The following ACAP2 variants were observed in gnomAD, a reference collection of about 807,000 sequenced individuals.
ACAP2 encodes arf-GAP with coiled-coil, ANK repeat and PH domain-containing protein 2.
A neutral mutation model predicts 115.8 loss-of-function variants in ACAP2; 39 were observed. The ratio of observed to expected loss-of-function variants is 0.34; its 90% CI spans 0.26 to 0.44. The LOEUF (loss-of-function observed/expected upper bound fraction) is 0.44, where lower values mean the gene tolerates loss of function less well. Ranked by LOEUF, ACAP2 falls within the 20% of genes least tolerant of loss-of-function variation. ACAP2 has a pLI of 1.00. For synonymous variants in ACAP2, 289 were observed against 315.8 expected (o/e 0.92, Z 0.90); for missense variants, 662 against 927.6 (o/e 0.71, Z 3.72).
Position 195,342,584 on chromosome 3 carries a change from C to A in ACAP2, c.415G>T (p.Val139Leu). 1 of 1,612,394 alleles carries A rather than the reference C, an allele frequency of 6.2e-7. No homozygotes were observed. Among genetic ancestry groups the A allele is most frequent in the Non-Finnish European group, 8.5e-7 (1 of 1,179,538 alleles). ...TTTCTTTGTACTTGGGCATTTTTTACTAACGCATTTTCTTTTTCTTCACTG... is the reference window on the plus strand; with the variant it reads ...TTTCTTTGTACTTGGGCATTTTTTAATAACGCATTTTCTTTTTCTTCACTG... ...KVSEEKENAL[V>L]KNAQVQRNKQ... Residue 139 changes from valine to leucine, a missense_variant, in exon 6 of 23, where the codon GTA (valine) becomes TTA (leucine). Transcript: ENST00000326793.
chr3:195,351,522 C>A (rs992570148), intron 4 of ACAP2, among the ~76,000 whole-genome samples: 4 of 148,220 alleles, frequency 2.7e-5, no homozygotes, highest in African/African-American at 1.0e-4. Flanking sequence ...AGTGCAGTGG[C>A]GTGATGTCAG....
chr3:195,326,416 G>A (rs1577304435), intron 9 of ACAP2: 1 of 152,790 alleles, frequency 6.5e-6, no homozygotes, highest in East Asian at 1.9e-4. Flanking sequence ...TGCAAGTGAA[G>A]TTTTAGCATC....
chr3:195,329,899 C>G (rs1287891136), intron 8 of ACAP2, among the ~76,000 whole-genome samples: 2 of 152,114 alleles, frequency 1.3e-5, no homozygotes, highest in African/African-American at 4.8e-5. Context: ...TTTAGTCTTT[C>G]TTATGTCCCC....
intron 1 of ACAP2, among the ~76,000 whole-genome samples, chr3:195,435,032 G>A (rs956790314): frequency 1.3e-5 from 2 of 150,894 alleles, no homozygotes; most frequent in African/African-American, 5.0e-5. Context: ...CCACCTTTTG[G>A]TTTCAATTAT....
intron 1 of ACAP2, among the ~76,000 whole-genome samples, chr3:195,408,001 T>C (rs1034112271): frequency 6.6e-6 from 1 of 152,014 alleles, no homozygotes; most frequent in African/African-American, 2.4e-5. Flanking sequence ...AGAAATAAGA[T>C]TATAAGAGAG....
intron 2 of ACAP2, among the ~76,000 whole-genome samples, chr3:195,387,857 G>A (rs1380773807): frequency 6.6e-6 from 1 of 152,198 alleles, no homozygotes; most frequent in Non-Finnish European, 1.5e-5. Context: ...GCCAAGAACT[G>A]TGCTAAGTAC....
At chr3:195,378,356 G>A (rs961325855) in intron 4 of ACAP2, among the ~76,000 whole-genome samples, 1 of 152,114 alleles carries the variant, frequency 6.6e-6, no homozygotes, top group Non-Finnish European at 1.5e-5. Context: ...GCTGGGCGTG[G>A]TGGCACGTCC....
At chr3:195,333,922 C>A (rs1358810450) in intron 7 of ACAP2, among the ~76,000 whole-genome samples, 1 of 152,114 alleles carries the variant, frequency 6.6e-6, no homozygotes, top group Non-Finnish European at 1.5e-5. Flanking sequence ...TAAAATGAGT[C>A]AACCGAATTT....
In ACAP2 at chr3:195,285,876, G is replaced by A. The variant is rs1475508583; in HGVS notation, c.2175-19C>T. On this transcript the variant is annotated intron_variant, in intron 21 of 22. Transcript: ENST00000326793. ...ACGTAACCTAAAAATAAATAAAATA[G>A]TGTTTTAGATGACATTATATAATAT... is the stretch of plus-strand genomic sequence containing the variant. 1.9e-6 allele frequency: 3 copies of A among 1,567,872 alleles called. No homozygotes were observed. Among genetic ancestry groups the A allele is most frequent in the Non-Finnish European group, 2.6e-6 (3 of 1,144,492 alleles).
chr3:195,286,497 T>C (rs188579764), intron 21 of ACAP2, among the ~76,000 whole-genome samples: 154 of 152,338 alleles, frequency 1.0e-3, no homozygotes, highest in African/African-American at 3.5e-3. Flanking sequence ...AAATATTGTG[T>C]TTGGTACCCC....
chr3:195,332,971 T>A, intron 8 of ACAP2, 57 bp downstream of exon 8: 3 of 1,353,214 alleles, frequency 2.2e-6, no homozygotes, highest in Non-Finnish European at 3.1e-6. Flanking sequence ...CTAAATTTCT[T>A]TAAAAATACA....
Position 195,297,220 on chromosome 3 carries a change from A to G in ACAP2, c.1457T>C (p.Met486Thr), listed in dbSNP as rs1727712424. The change falls in exon 16 of 23, where the codon ATG (methionine) becomes ACG (threonine). Residue 486 changes from methionine (M) to threonine (T), a missense_variant. This residue lies in a region of ACAP2 where 401 missense variants were observed against 604.4 expected (regional missense o/e 0.66). Coordinates refer to ENST00000326793, the MANE Select transcript of ACAP2 (RefSeq NM_012287.6). ...NRVYEANVEK[M>T]GIKKPQPGQR... ...TCCTGGTTGGGGTTTCTTTATTCCC[A>G]TTTTTTCCACATTAGCTTCATAAAC... 6.2e-7 allele frequency: 1 copy of G among 1,612,954 alleles called. No homozygotes were observed. Among genetic ancestry groups the G allele is most frequent in the African/African-American group, 1.3e-5 (1 of 74,820 alleles).
In ACAP2 at chr3:195,279,424, A is replaced by G; in HGVS notation, c.2241T>C (p.Asp747=). 1.9e-6 allele frequency: 3 copies of G among 1,575,416 alleles called. No individual in the cohort carries two copies. Among genetic ancestry groups the G allele is most frequent in the Non-Finnish European group, 2.6e-6 (3 of 1,158,176 alleles). Residue 747 remains aspartate (D), a synonymous_variant, in exon 23 of 23, where the codon GAT becomes GAC. Transcript: ENST00000326793. ...ESEGLYGQPG[D]ETYQDIFRDF... ...CACGAAATATGTCCTGATAAGTTTC[A>G]TCACCTGCATGAAATAAAATAAAGA...
Position 195,301,433 on chromosome 3 carries a change from A to C in ACAP2, c.1395+142T>G. 5.8e-6 allele frequency: 4 copies of C among 694,452 alleles called. No individual in the cohort carries two copies. In the East Asian group the frequency reaches 1.1e-4, roughly 19 times the overall value. The allele number at this position is 694,452 out of a possible 1,614,324, so 43.0% of individuals were successfully genotyped here. On this transcript the variant is annotated intron_variant, in intron 15 of 22. Transcript: ENST00000326793. ...TACAATGAAAACACCAGATTTGCCA[A>C]AATAGCCTCAGATGTGTTTCAATAC...
chr3:195,319,015 T>C (rs1015614438), intron 10 of ACAP2, among the ~76,000 whole-genome samples: 1 of 152,196 alleles, frequency 6.6e-6, no homozygotes, highest in Non-Finnish European at 1.5e-5. Flanking sequence ...CCTTGGGACT[T>C]GGTGCCCTGC....
At chr3:195,332,444 C>CT (rs1204906176) in intron 8 of ACAP2, among the ~76,000 whole-genome samples, 1 of 152,082 alleles carries the variant, frequency 6.6e-6, no homozygotes, top group Non-Finnish European at 1.5e-5. Context: ...ACATAAGGTT[C>CT]TTTTTACCTT....
chr3:195,311,623 G>A (rs1197229812), intron 10 of ACAP2, among the ~76,000 whole-genome samples: 3 of 151,972 alleles, frequency 2.0e-5, no homozygotes, highest in African/African-American at 7.3e-5. Context: ...TGCAACCTCC[G>A]CCTCCTGAGT....
intron 20 of ACAP2, among the ~76,000 whole-genome samples, chr3:195,290,882 C>T (rs1727206038): frequency 7.1e-6 from 1 of 141,050 alleles, no homozygotes; most frequent in Non-Finnish European, 1.6e-5. Context: ...TAAAAATAGC[C>T]AGACACAGTG....
chr3:195,395,056 A>G (rs907361741), intron 1 of ACAP2, among the ~76,000 whole-genome samples: 1 of 147,074 alleles, frequency 6.8e-6, no homozygotes, highest in Non-Finnish European at 1.5e-5. Context: ...AGATAGAACC[A>G]TTCTGGGACA....
Sources: gnomAD v4.1 joint callset for allele counts (sites outside exome capture counted in the v4.1 genomes callset) on GRCh38, gnomAD v4.1.1 for gene constraint, gnomAD v4.1.1 regional missense constraint, MANE v1.5 for transcripts, NCBI Gene and HGNC (gene_info 2026-07-23, HGNC 2026-07-21) for gene names.